Variants in CNTN2 observed in about 807,000 individuals in gnomAD.
CNTN2 encodes the protein contactin 2, also known as contactin-2.
CNTN2 carries 53 observed loss-of-function variants against 117.5 expected under a neutral mutation model. The ratio of observed to expected loss-of-function variants is 0.45; its 90% CI spans 0.36 to 0.57. The LOEUF (loss-of-function observed/expected upper bound fraction) is 0.57, where lower values mean the gene tolerates loss of function less well. Among genes scored for constraint, CNTN2 ranks in the 20% least tolerant of loss-of-function variants. The probability of loss-of-function intolerance (pLI) is 0.00; values close to 1 mark genes in which losing one functional copy is unlikely to be tolerated. For synonymous variants in CNTN2, 530 were observed against 561.7 expected, an observed-to-expected ratio of 0.94 and a Z score of 0.80; for missense variants, 1,106 against 1,404.3, an observed-to-expected ratio of 0.79 and a Z score of 3.39.
At position 205,058,055 on chromosome 1, in the gene CNTN2, G is replaced by C; in HGVS notation, c.205G>C (p.Ala69Pro). The change falls in exon 3 of 23, where the codon GCC becomes CCC. Residue 69 changes from alanine to proline, a missense_variant. Physicochemically the swap from Ala to Pro is conservative, Grantham distance 27 (BLOSUM62 -1). Transcript: ENST00000331830. This position sits in a 1 kb window ranked among gnomAD's most constrained non-coding sequence, Gnocchi z 4.3. ...ATGCCGCGCCCGGGCCAGCCCTCCA[G>C]CCACCTATCGGTAAGGCCTCTGCAG... ...LACRARASPP[A>P]TYRWKMNGTE... 1 of 1,613,566 alleles carries C rather than the reference G, an allele frequency of 6.2e-7. No homozygotes were observed. The highest frequency in any genetic ancestry group is 8.5e-7 in the Non-Finnish European group (1 of 1,179,852).
chr1:205,057,690 T>C (rs1653719946), intron 2 of CNTN2: 7 of 447,058 alleles, frequency 1.6e-5, no homozygotes, highest in Non-Finnish European at 2.8e-5. Flanking sequence ...CTATTTAAAT[T>C]CAAATTTAAA....
At chr1:205,063,864 T>C (rs1163054163) in intron 10 of CNTN2, among the ~76,000 whole-genome samples, 1 of 151,110 alleles carries the variant, frequency 6.6e-6, no homozygotes, top group Non-Finnish European at 1.5e-5. Flanking sequence ...TGCAAAGCTC[T>C]GGAGGCAGGA....
chr1:205,045,259 C>T (rs912786534), intron 1 of CNTN2, among the ~76,000 whole-genome samples: 6 of 152,154 alleles, frequency 3.9e-5, no homozygotes, highest in African/African-American at 1.4e-4. Context: ...TCTCTCATCG[C>T]GTGTACTCCA....
At chr1:205,045,292 C>T (rs1437905261) in intron 1 of CNTN2, among the ~76,000 whole-genome samples, 1 of 152,168 alleles carries the variant, frequency 6.6e-6, no homozygotes, top group Non-Finnish European at 1.5e-5. Flanking sequence ...CTCAGCCTCC[C>T]GCCGCCACCA....
intron 1 of CNTN2, among the ~76,000 whole-genome samples, chr1:205,047,713 G>C (rs774518334): frequency 6.6e-6 from 1 of 152,122 alleles, no homozygotes; most frequent in African/African-American, 2.4e-5. Flanking sequence ...TATGAGTGCC[G>C]CCTGGACGTT....
rs373583840 is a variant in CNTN2 at position 205,072,492 on chromosome 1, G to A, written c.2741G>A (p.Arg914Gln). The change falls in exon 21 of 23, where the codon CGA becomes CAA. Residue 914 changes from arginine to glutamine, a missense_variant. Coordinates refer to ENST00000331830, the MANE Select transcript of CNTN2 (RefSeq NM_005076.5). ...TCTTCCTCTCTGGCAGCTCCGCGGC[G>A]ACCTCCTGGCAACATCTCCTGGACT... ...NATTMKPPPR[R>Q]PPGNISWTFS... The A allele has an allele frequency of 1.5e-5, 25 of 1,613,924 alleles. No homozygotes were observed. The highest frequency in any genetic ancestry group is 1.0e-4 in the Admixed American group (6 of 59,988).
chr1:205,048,083 T>C lies in CNTN2; in HGVS notation c.-87+4689T>C, dbSNP rs757189278. 7.2e-5 allele frequency among the ~76,000 whole-genome samples: 11 copies of C among 152,318 alleles called. No homozygotes were observed. The highest frequency in any genetic ancestry group is 2.1e-4 in the South Asian group (1 of 4,832). ...GGCCTGAAGGGCTCCTCAAGTACTT[T>C]GTAGGCTGATAATAAATCACTTAGT... On this transcript the variant is annotated intron_variant, in intron 1 of 22. Transcript: ENST00000331830. The surrounding 1 kb of genome is among the most constrained non-coding windows in gnomAD (Gnocchi z 4.1).
At chr1:205,051,074 A>G (rs76485062) in intron 1 of CNTN2, among the ~76,000 whole-genome samples, 2 of 152,382 alleles carry the variant, frequency 1.3e-5, no homozygotes, top group Middle Eastern at 3.4e-3. Flanking sequence ...GAGCCCCATC[A>G]TGTGTGCCCA....
rs114903768 is a variant in CNTN2 at position 205,064,747 on chromosome 1, C to A, written c.1516C>A (p.Arg506=). ...CAACAGCACTGGAATCCTATCTGTG[C>A]GAGGTGAGGGCTGCCATGTGGGTAG... ...KANSTGILSV[R]DATKITLAPS... is the part of the protein sequence containing the mutation. Residue 506 remains arginine, a synonymous_variant, in exon 12 of 23, where the codon CGA becomes AGA. Transcript: ENST00000331830. The A allele has an allele frequency of 2.1e-3, 3,313 of 1,613,922 alleles. 67 individuals are homozygous for A. The African/African-American group carries it at 0.04, about 19-fold the overall frequency.
rs1302006518 is a variant in CNTN2, at chr1:205,062,423, TG to T, written c.1111-14del. 3 of 1,606,238 alleles carry T rather than the reference TG, an allele frequency of 1.9e-6. No homozygotes were observed. The highest frequency in any genetic ancestry group is 2.7e-5 in the African/African-American group (2 of 74,832). ...CTGTGGTCCTGATCCCCCTGGGCTC[TG>T]GGCTCTTCTGCACAGAACCGGGTGG... is the stretch of plus-strand genomic sequence containing the variant. On this transcript the variant is annotated splice_polypyrimidine_tract_variant and intron_variant, in intron 9 of 22. Coordinates refer to ENST00000331830, the MANE Select transcript of CNTN2 (RefSeq NM_005076.5).
At position 205,073,776 on chromosome 1, in the gene CNTN2, C is replaced by T; in HGVS notation, c.*11C>T. 6.2e-7 allele frequency: 1 copy of T among 1,608,808 alleles called. No homozygotes were observed. Among genetic ancestry groups the T allele is most frequent in the Middle Eastern group, 1.7e-4 (1 of 6,014 alleles). On this transcript the variant is annotated 3_prime_UTR_variant, in exon 23 of 23. Transcript: ENST00000331830. The surrounding 1 kb of genome is among the most constrained non-coding windows in gnomAD (Gnocchi z 6.3). ...TCCCTGGAGCTCTGATCCTGGAACCCCTCCCTCTGCGCCGCAGCTGGACGC... is the reference window on the plus strand; with the variant it reads ...TCCCTGGAGCTCTGATCCTGGAACCTCTCCCTCTGCGCCGCAGCTGGACGC...
intron 15 of CNTN2, among the ~76,000 whole-genome samples, chr1:205,066,893 G>C (rs998578960): frequency 7.0e-6 from 1 of 143,224 alleles, no homozygotes; most frequent in African/African-American, 2.5e-5. Flanking sequence ...ACATAGGGGC[G>C]TAGGCGTGCA....
chr1:205,046,419 C>T (rs931164751), intron 1 of CNTN2, among the ~76,000 whole-genome samples: 12 of 152,192 alleles, frequency 7.9e-5, no homozygotes, highest in Non-Finnish European at 1.8e-4. Flanking sequence ...AGCCTAAGCC[C>T]ACATCTTCTC....
chr1:205,051,678 G>C lies in CNTN2; in HGVS notation c.-86-1422G>C, dbSNP rs143073289. 3.0e-3 allele frequency among the ~76,000 whole-genome samples: 457 copies of C among 152,210 alleles called. 2 individuals are homozygous for C. Among genetic ancestry groups the C allele is most frequent in the Middle Eastern group, 0.027 (8 of 294 alleles). On this transcript the variant is annotated intron_variant, in intron 1 of 22. Transcript: ENST00000331830. ...TTCCTTGGCCATATCCTTCCTGACG[G>C]GCCCTGGGGACAACTCTCCCTTCTC...
At position 205,058,132 on chromosome 1, in the gene CNTN2, T is replaced by G; in HGVS notation, c.216-49T>G. On this transcript the variant is annotated intron_variant, in intron 3 of 22. Coordinates refer to ENST00000331830, the MANE Select transcript of CNTN2 (RefSeq NM_005076.5). This position sits in a 1 kb window ranked among gnomAD's most constrained non-coding sequence, Gnocchi z 4.3. ...GTTGAACTTTCCCTCTCATCAGCCCTGCCACCAGGCAGGACTCAGAGGTCC... is the reference window on the plus strand; with the variant it reads ...GTTGAACTTTCCCTCTCATCAGCCCGGCCACCAGGCAGGACTCAGAGGTCC... 1 of 1,599,462 alleles carries G rather than the reference T, an allele frequency of 6.3e-7. No individual in the cohort carries two copies. The highest frequency in any genetic ancestry group is 1.1e-5 in the South Asian group (1 of 89,180).
chr1:205,061,890 C>A lies in CNTN2; in HGVS notation c.999C>A (p.Ile333=). The part of the protein sequence containing the change: ...VQAQPEWLKV[I]SDTEADIGSN... The stretch of plus-strand genomic sequence containing the variant: ...CTCAGCCTGAGTGGCTAAAAGTGAT[C>A]TCGGACACAGAGGCTGACATTGGCT... Residue 333 remains isoleucine, a synonymous_variant, in exon 9 of 23, where the codon ATC becomes ATA. Transcript: ENST00000331830. This position sits in a 1 kb window ranked among gnomAD's most constrained non-coding sequence, Gnocchi z 4.8. 1 of 1,571,816 alleles carries A rather than the reference C, an allele frequency of 6.4e-7. No homozygotes were observed.
chr1:205,058,385 TG>T lies in CNTN2; in HGVS notation c.391+34del. 6.7e-7 allele frequency: 1 copy of T among 1,497,872 alleles called. No individual in the cohort carries two copies. The highest frequency in any genetic ancestry group is 9.0e-7 in the Non-Finnish European group (1 of 1,112,752). 92.8% of individuals were successfully genotyped at this position (1,497,872 alleles called of 1,614,324 possible). A position where few individuals can be genotyped will look rare whatever the true frequency, so the allele number is the denominator to read the frequency against. On this transcript the variant is annotated intron_variant, in intron 4 of 22. Coordinates refer to ENST00000331830, the MANE Select transcript of CNTN2 (RefSeq NM_005076.5). This position sits in a 1 kb window ranked among gnomAD's most constrained non-coding sequence, Gnocchi z 4.3. ...AGACCCGCGGGGGACCAAGACACTT[TG>T]GGGGAGGGGGAGAGGGGGCTAGGAG...
At chr1:205,072,167 A>G in intron 20 of CNTN2, 34 bp downstream of exon 20, 2 of 1,569,514 alleles carry the variant, frequency 1.3e-6, no homozygotes, top group Non-Finnish European at 1.7e-6. Flanking sequence ...GGGTAGGGCA[A>G]TATTTTGGAG....
intron 1 of CNTN2, among the ~76,000 whole-genome samples, chr1:205,050,226 CAT>C (rs1028788106): frequency 6.6e-6 from 1 of 151,770 alleles, no homozygotes; most frequent in African/African-American, 2.4e-5. Flanking sequence ...CATCCAGGGA[CAT>C]ATGTCTGTGA....
Sources: gnomAD v4.1 joint callset for allele counts (sites outside exome capture counted in the v4.1 genomes callset) on GRCh38, gnomAD v4.1.1 for gene constraint, Gnocchi (gnomAD v3.1) non-coding constraint, MANE v1.5 for transcripts, NCBI Gene and HGNC (gene_info 2026-07-23, HGNC 2026-07-21) for gene names.